Variants in NRXN3 observed in about 807,000 individuals in gnomAD.
NRXN3 encodes neurexin 3.
Under a neutral mutation model 137.6 loss-of-function variants are expected in NRXN3, and 32 were observed. The ratio of observed to expected loss-of-function variants is 0.23; its 90% CI spans 0.18 to 0.31. NRXN3 has a LOEUF of 0.31. NRXN3 is among the 10% of genes least tolerant of loss of function. NRXN3 has a pLI of 1.00. For missense variants in NRXN3, 1,574 were observed against 2,062.5 expected (o/e 0.76, Z 4.59); for synonymous variants, 798 against 784.5 (o/e 1.02, Z -0.29).
At chr14:78,709,133 C>T in intron 6 of NRXN3, 84 bp from the exon 7 acceptor site, 2 of 1,327,658 alleles carry the variant, frequency 1.5e-6, no homozygotes, top group Admixed American at 2.3e-5. Context: ...CTTTTTGGGT[C>T]ATTTTTCCAG....
rs146711111 is a variant in NRXN3 at position 79,424,951 on chromosome 14, G to A, written c.3263-42270G>A. 3.7e-3 allele frequency among the ~76,000 whole-genome samples: 565 copies of A among 152,182 alleles called. 5 individuals are homozygous for A. The highest frequency in any genetic ancestry group is 0.013 in the African/African-American group (520 of 41,526). ...AGCTTCAAGAGCTAAATGACTGATT[G>A]GCAGCAAGCTGACTAACTGTTCTTT... On this transcript the variant is annotated intron_variant, in intron 15 of 20. Coordinates refer to ENST00000335750, the MANE Select transcript of NRXN3 (RefSeq NM_001330195.2).
chr14:78,760,172 G>A (rs1223650837), intron 8 of NRXN3, among the ~76,000 whole-genome samples: 1 of 150,346 alleles, frequency 6.7e-6, no homozygotes. Flanking sequence ...AGCCTCCTGA[G>A]TAGCTGGGAC....
chr14:78,348,991 C>T (rs2083124226), intron 4 of NRXN3, among the ~76,000 whole-genome samples: 1 of 152,172 alleles, frequency 6.6e-6, no homozygotes, highest in Admixed American at 6.5e-5. Flanking sequence ...ATTTATTAAC[C>T]AAGAGCAACT....
At chr14:79,352,974 T>G (rs2093277869) in intron 15 of NRXN3, among the ~76,000 whole-genome samples, 1 of 152,144 alleles carries the variant, frequency 6.6e-6, no homozygotes, top group African/African-American at 2.4e-5. Flanking sequence ...TTTTGTCACC[T>G]TAAAGTGGGG....
intron 14 of NRXN3, among the ~76,000 whole-genome samples, chr14:78,968,817 G>A (rs145423680): frequency 1.1e-3 from 172 of 152,292 alleles, no homozygotes; most frequent in African/African-American, 3.9e-3. Flanking sequence ...ATAGGAAAAC[G>A]ATGTCCAAAT....
At chr14:78,734,206 A>AAC (rs10563958) in intron 8 of NRXN3, among the ~76,000 whole-genome samples, 5,176 of 137,688 alleles carry the variant, frequency 0.038, 230 homozygotes, top group African/African-American at 0.11. Context: ...CTGCATCTGA[A>AAC]ACACACACAC....
intron 15 of NRXN3, among the ~76,000 whole-genome samples, chr14:79,205,334 C>T (rs956326724): frequency 1.3e-5 from 2 of 152,052 alleles, no homozygotes; most frequent in Non-Finnish European, 2.9e-5. Context: ...TAATATATAT[C>T]TTAAAACTAT....
chr14:78,879,746 A>G (rs567303976), intron 10 of NRXN3, among the ~76,000 whole-genome samples: 29 of 152,268 alleles, frequency 1.9e-4, no homozygotes, highest in Non-Finnish European at 2.2e-4. Flanking sequence ...TACAAACTCT[A>G]TACTTCTACT....
chr14:79,795,328 G>A (rs545499165), intron 19 of NRXN3, among the ~76,000 whole-genome samples: 1 of 152,204 alleles, frequency 6.6e-6, no homozygotes, highest in Admixed American at 6.5e-5. Flanking sequence ...GGCCCATCTG[G>A]GTTTCTGAAC....
chr14:79,614,511 A>G (rs891559533), intron 16 of NRXN3, among the ~76,000 whole-genome samples: 3 of 152,150 alleles, frequency 2.0e-5, no homozygotes, highest in Non-Finnish European at 4.4e-5. Flanking sequence ...CATTTGATCT[A>G]CCGCCGAATA....
chr14:79,461,423 C>T (rs1168849629), intron 15 of NRXN3, among the ~76,000 whole-genome samples: 1 of 152,152 alleles, frequency 6.6e-6, no homozygotes, highest in Non-Finnish European at 1.5e-5. Context: ...TCATTTAATT[C>T]TATGGCAATA....
chr14:78,490,227 G>T (rs1229727337), intron 4 of NRXN3, among the ~76,000 whole-genome samples: 1 of 34,362 alleles, frequency 2.9e-5, no homozygotes, highest in Non-Finnish European at 6.1e-5. Context: ...AAAGTGCTGG[G>T]ATTACAGGTG....
In NRXN3 at chr14:78,966,327, A is replaced by C; in HGVS notation, c.2698A>C (p.Lys900Gln). The C allele has an allele frequency of 6.2e-7, 1 of 1,614,182 alleles. No homozygotes were observed. Among genetic ancestry groups the C allele is most frequent in the Non-Finnish European group, 8.5e-7 (1 of 1,180,022 alleles). ...YTSMHLFFQFKTTSPDGFILF... is the reference protein window; with the variant it reads ...YTSMHLFFQFQTTSPDGFILF... Reference sequence around the variant, plus strand: ...CTCCATGCACCTCTTCTTCCAGTTCAAGACCACCTCACCAGATGGCTTCAT... The same window carrying C: ...CTCCATGCACCTCTTCTTCCAGTTCCAGACCACCTCACCAGATGGCTTCAT... The change falls in exon 12 of 21, where the codon AAG (lysine) becomes CAG (glutamine). Residue 900 changes from lysine to glutamine, a missense_variant. Coordinates refer to ENST00000335750, the MANE Select transcript of NRXN3 (RefSeq NM_001330195.2).
intron 11 of NRXN3, among the ~76,000 whole-genome samples, chr14:78,964,445 TGCTCCA>T (rs2099413722): frequency 6.6e-6 from 1 of 152,190 alleles, no homozygotes; most frequent in South Asian, 2.1e-4. Context: ...GAAGGCAGCT[TGCTCCA>T]GCAAAGAGAA....
At chr14:78,401,552 C>T (rs2092061286) in intron 4 of NRXN3, among the ~76,000 whole-genome samples, 2 of 152,104 alleles carry the variant, frequency 1.3e-5, no homozygotes, top group Admixed American at 1.3e-4. Context: ...TTAGTTCTCT[C>T]CAGACCTTTT....
intron 15 of NRXN3, among the ~76,000 whole-genome samples, chr14:79,323,573 T>A (rs1379503989): frequency 6.6e-6 from 1 of 152,178 alleles, no homozygotes; most frequent in Admixed American, 6.5e-5. Flanking sequence ...ATATTTTATA[T>A]AGTAGGCCGG....
At chr14:79,760,717 A>T (rs895182559) in intron 19 of NRXN3, 2 of 151,518 alleles carry the variant, frequency 1.3e-5, no homozygotes, top group Non-Finnish European at 2.9e-5. Flanking sequence ...AACTTTGACC[A>T]GCTGCTAACA....
At chr14:78,414,844 A>G (rs2093038392) in intron 4 of NRXN3, among the ~76,000 whole-genome samples, 1 of 152,210 alleles carries the variant, frequency 6.6e-6, no homozygotes, top group East Asian at 1.9e-4. Context: ...TACTATATTT[A>G]TAATGAAGAA....
chr14:79,133,876 C>T (rs1427077129), intron 15 of NRXN3, among the ~76,000 whole-genome samples: 2 of 146,192 alleles, frequency 1.4e-5, no homozygotes, highest in African/African-American at 2.5e-5. Context: ...TTGCAGTGAG[C>T]AGAGATCGTG....
Sources: allele counts gnomAD v4.1 joint callset (sites outside exome capture counted in the v4.1 genomes callset), GRCh38; gene constraint gnomAD v4.1.1; transcripts MANE v1.5; gene names NCBI Gene and HGNC (gene_info 2026-07-23, HGNC 2026-07-21).